PKIB: variants seen among roughly 807,000 people sequenced by gnomAD.
PKIB encodes cAMP-dependent protein kinase inhibitor beta.
Under a neutral mutation model 4.5 loss-of-function variants are expected in PKIB, and 2 were observed. That is an observed-to-expected ratio of 0.44 (90% CI 0.18 to 1.39). PKIB has a LOEUF of 1.39. Ranked by LOEUF, PKIB falls within the 40% of genes most tolerant of loss-of-function variation. The pLI, the probability that PKIB is intolerant of heterozygous loss-of-function variation, is 0.27. For missense variants in PKIB, 94 were observed against 92.6 expected (o/e 1.02, Z -0.06); for synonymous variants, 38 against 36.0 (o/e 1.06, Z -0.20).
chr6:122,576,525 G>C (rs976428560), intron 2 of PKIB, among the ~76,000 whole-genome samples: 1 of 151,086 alleles, frequency 6.6e-6, no homozygotes, highest in Non-Finnish European at 1.5e-5. Context: ...AAAATTAGCC[G>C]GGCGTGGTGG....
chr6:122,672,209 A>G (rs988176378), intron 2 of PKIB, among the ~76,000 whole-genome samples: 5 of 152,134 alleles, frequency 3.3e-5, no homozygotes, highest in African/African-American at 9.7e-5. Flanking sequence ...GAGAAGGAGG[A>G]GAAGAGTAGG....
At chr6:122,695,434 T>C (rs994927518) in intron 3 of PKIB, among the ~76,000 whole-genome samples, 2 of 146,698 alleles carry the variant, frequency 1.4e-5, no homozygotes, top group African/African-American at 2.5e-5. Flanking sequence ...AAAAAATAAG[T>C]TTTTTCAAAA....
At chr6:122,535,995 G>A (rs564958570) in intron 2 of PKIB, among the ~76,000 whole-genome samples, 7 of 152,064 alleles carry the variant, frequency 4.6e-5, no homozygotes, top group Non-Finnish European at 8.8e-5. Context: ...AAGTTGAAGC[G>A]CAGTGGCGAT....
intron 2 of PKIB, among the ~76,000 whole-genome samples, chr6:122,544,140 A>G (rs1280662486): frequency 2.6e-5 from 4 of 151,938 alleles, no homozygotes; most frequent in African/African-American, 4.8e-5. Flanking sequence ...ACAAAAGCAA[A>G]CGCTTTAAAA....
chr6:122,516,609 T>C (rs1776762537), intron 2 of PKIB, among the ~76,000 whole-genome samples: 1 of 152,206 alleles, frequency 6.6e-6, no homozygotes, highest in Non-Finnish European at 1.5e-5. Context: ...GACTTCCAAG[T>C]TGGCCTGCTT....
intron 1 of PKIB, among the ~76,000 whole-genome samples, chr6:122,627,737 TCA>T (rs1184220137): frequency 6.6e-6 from 1 of 152,232 alleles, no homozygotes; most frequent in Non-Finnish European, 1.5e-5. Flanking sequence ...TTCTTCAGTC[TCA>T]CAGACAGTTA....
intron 2 of PKIB, among the ~76,000 whole-genome samples, chr6:122,669,207 G>A (rs1777350170): frequency 6.6e-6 from 1 of 152,068 alleles, no homozygotes; most frequent in Admixed American, 6.6e-5. Context: ...TATCTGTTGG[G>A]TGTTTTTTTT....
chr6:122,533,666 G>T (rs1403664371), intron 2 of PKIB, among the ~76,000 whole-genome samples: 2 of 152,098 alleles, frequency 1.3e-5, no homozygotes, highest in Admixed American at 6.6e-5. Context: ...TTATTTTGAG[G>T]TGAGTTTATT....
At chr6:122,691,306 G>A (rs181271203) in intron 3 of PKIB, among the ~76,000 whole-genome samples, 1 of 151,824 alleles carries the variant, frequency 6.6e-6, no homozygotes, top group East Asian at 1.9e-4. Context: ...ACTCTTTAAG[G>A]CCAATAACTC....
At chr6:122,522,273 A>G (rs1776968540) in intron 2 of PKIB, among the ~76,000 whole-genome samples, 1 of 152,212 alleles carries the variant, frequency 6.6e-6, no homozygotes, top group South Asian at 2.1e-4. Context: ...TTACTTTTGC[A>G]CTGGCAGTGA....
chr6:122,705,615 G>A (rs577686927), intron 3 of PKIB, among the ~76,000 whole-genome samples: 1 of 140,808 alleles, frequency 7.1e-6, no homozygotes, highest in Admixed American at 7.8e-5. Context: ...GGCTACACTG[G>A]AGTGTAGTGG....
chr6:122,707,489 G>A (rs1779108844), intron 3 of PKIB, among the ~76,000 whole-genome samples: 1 of 151,892 alleles, frequency 6.6e-6, no homozygotes, highest in Non-Finnish European at 1.5e-5. Context: ...CCGAAACTGT[G>A]GGTGCATTTA....
chr6:122,611,149 C>T (rs1363949274), intron 1 of PKIB, among the ~76,000 whole-genome samples: 1 of 152,220 alleles, frequency 6.6e-6, no homozygotes, highest in African/African-American at 2.4e-5. Flanking sequence ...CAGGGAGGGA[C>T]ACGAGTGCCA....
At chr6:122,536,220 G>A (rs1269175358) in intron 2 of PKIB, among the ~76,000 whole-genome samples, 1 of 152,150 alleles carries the variant, frequency 6.6e-6, no homozygotes, top group African/African-American at 2.4e-5. Flanking sequence ...GATTACAGGC[G>A]TGAGCACTGT....
chr6:122,705,953 T>C (rs1779040347), intron 3 of PKIB, among the ~76,000 whole-genome samples: 1 of 152,214 alleles, frequency 6.6e-6, no homozygotes, highest in Admixed American at 6.6e-5. Flanking sequence ...ATATTGTTCA[T>C]GGCATTCATT....
chr6:122,708,536 A>G (rs1271391940), intron 3 of PKIB, among the ~76,000 whole-genome samples: 1 of 152,176 alleles, frequency 6.6e-6, no homozygotes, highest in Non-Finnish European at 1.5e-5. Context: ...CAGATGTTGC[A>G]GAAACGTAGA....
At chr6:122,659,342 A>G (rs533081515) in intron 2 of PKIB, among the ~76,000 whole-genome samples, 22 of 152,326 alleles carry the variant, frequency 1.4e-4, no homozygotes, top group Middle Eastern at 3.4e-3. Context: ...TGAAAGATTC[A>G]TTCCTTACTG....
intron 2 of PKIB, among the ~76,000 whole-genome samples, chr6:122,641,284 G>T (rs1169519530): frequency 2.6e-5 from 4 of 151,928 alleles, no homozygotes; most frequent in African/African-American, 4.8e-5. Flanking sequence ...TGTGAAATTT[G>T]TATTTCACTT....
chr6:122,495,329 C>T (rs1189290507), intron 2 of PKIB, among the ~76,000 whole-genome samples: 1 of 152,166 alleles, frequency 6.6e-6, no homozygotes. Context: ...AGGCCCATAG[C>T]ACAGCTGCCC....
Sources: gnomAD v4.1 joint callset for allele counts (sites outside exome capture counted in the v4.1 genomes callset) on GRCh38, gnomAD v4.1.1 for gene constraint, MANE v1.5 for transcripts, NCBI Gene and HGNC (gene_info 2026-07-23, HGNC 2026-07-21) for gene names.